TMEM132B: variants seen among roughly 807,000 people sequenced by gnomAD.
TMEM132B encodes the protein transmembrane protein 132B.
A neutral mutation model predicts 90.8 loss-of-function variants in TMEM132B; 18 were observed. That is an observed-to-expected ratio of 0.20 (90% confidence interval 0.14 to 0.29). The LOEUF is 0.29. TMEM132B is among the 10% of genes least tolerant of loss of function. The pLI is 1.00. For missense variants in TMEM132B, 1,096 were observed against 1,326.8 expected (o/e 0.83, Z 2.70); for synonymous variants, 504 against 523.3 (o/e 0.96, Z 0.50).
rs565669674 is a variant in TMEM132B at position 125,361,783 on chromosome 12, T to C, written c.959+11440T>C. ...TACCCCCCAAATCTGCCTTGTTTTC[T>C]CTCCCAATTGCATTGGAGTCTGTGA... On this transcript the variant is annotated intron_variant, in intron 2 of 8. Coordinates refer to ENST00000682704, the MANE Select transcript of TMEM132B (RefSeq NM_001366854.1). 1.7e-4 allele frequency among the ~76,000 whole-genome samples: 26 copies of C among 152,336 alleles called. 1 individual carries two copies. In the East Asian group the frequency reaches 4.8e-3, roughly 28 times the overall value.
chr12:125,543,186 C>A (rs530462465), intron 4 of TMEM132B, among the ~76,000 whole-genome samples: 2 of 152,254 alleles, frequency 1.3e-5, no homozygotes, highest in East Asian at 3.9e-4. Context: ...AATGTGGTGA[C>A]CCCTATCATA....
At chr12:125,467,796 T>G (rs928235612) in intron 3 of TMEM132B, among the ~76,000 whole-genome samples, 4 of 152,236 alleles carry the variant, frequency 2.6e-5, no homozygotes, top group Non-Finnish European at 1.5e-5. Flanking sequence ...ACCTCTAATC[T>G]GCTTTCTGTC....
intron 1 of TMEM132B, among the ~76,000 whole-genome samples, chr12:125,298,630 C>CA (rs1875730844): frequency 7.4e-6 from 1 of 135,076 alleles, no homozygotes; most frequent in Non-Finnish European, 1.6e-5. Context: ...GCCGAGATCG[C>CA]GTCACTGCAC....
intron 3 of TMEM132B, among the ~76,000 whole-genome samples, chr12:125,486,016 G>A (rs955973914): frequency 6.6e-6 from 1 of 152,176 alleles, no homozygotes; most frequent in Non-Finnish European, 1.5e-5. Flanking sequence ...CTCTCTCTCT[G>A]TATGTGTGTG....
At chr12:125,194,191 C>T (rs1454008507) in intron 1 of TMEM132B, among the ~76,000 whole-genome samples, 1 of 151,938 alleles carries the variant, frequency 6.6e-6, no homozygotes, top group Non-Finnish European at 1.5e-5. Flanking sequence ...CAATACAGTC[C>T]AATTTGATTT....
At chr12:125,502,851 A>G (rs189804468) in intron 3 of TMEM132B, among the ~76,000 whole-genome samples, 2 of 152,180 alleles carry the variant, frequency 1.3e-5, no homozygotes, top group Admixed American at 1.3e-4. Flanking sequence ...AAAGAGTATA[A>G]GTTTGTGAAA....
rs145109931 is a variant in TMEM132B, at chr12:125,610,653, G to A, written c.1437+26659G>A. Among the ~76,000 whole-genome samples the A allele has an allele frequency of 5.4e-3, 815 of 151,856 alleles. 9 individuals carry two copies. The highest frequency in any genetic ancestry group is 0.05 in the East Asian group (258 of 5,156). ...TCTCTCTCTCTCTGTATGTGTGTGT[G>A]TATATATGTTTTATTTAACCATTGT... On this transcript the variant is annotated intron_variant, in intron 5 of 8. Coordinates refer to ENST00000682704, the MANE Select transcript of TMEM132B (RefSeq NM_001366854.1).
At chr12:125,418,772 G>C (rs1880093133) in intron 3 of TMEM132B, among the ~76,000 whole-genome samples, 1 of 152,156 alleles carries the variant, frequency 6.6e-6, no homozygotes, top group Non-Finnish European at 1.5e-5. Context: ...TAGAAAGGCA[G>C]TAAAAATCTT....
rs567113748 is a variant in TMEM132B at position 125,364,425 on chromosome 12, A to C, written c.959+14082A>C. Among the ~76,000 whole-genome samples, 8 of 152,316 alleles carry C rather than the reference A, an allele frequency of 5.3e-5. No individual in the cohort carries two copies. The South Asian group carries it at 1.7e-3, about 32-fold the overall frequency. ...GTTCTTACTTTACTACATATCTATC[A>C]ATCTATCTCTTCATCCATCAATCCA... On this transcript the variant is annotated intron_variant, in intron 2 of 8. Coordinates refer to ENST00000682704, the MANE Select transcript of TMEM132B (RefSeq NM_001366854.1).
intron 6 of TMEM132B, among the ~76,000 whole-genome samples, chr12:125,647,275 G>GGT (rs1444084318): frequency 2.0e-5 from 3 of 152,276 alleles, no homozygotes; most frequent in Non-Finnish European, 4.4e-5. Flanking sequence ...GAGGAGAAAA[G>GGT]GTGTCGGGCT....
At chr12:125,642,858 A>C (rs1419065662) in intron 5 of TMEM132B, among the ~76,000 whole-genome samples, 1 of 152,182 alleles carries the variant, frequency 6.6e-6, no homozygotes, top group Non-Finnish European at 1.5e-5. Flanking sequence ...CTTGGTTTCC[A>C]TGTCAAGCTA....
chr12:125,625,423 G>A (rs1685180786), intron 5 of TMEM132B, among the ~76,000 whole-genome samples: 1 of 152,090 alleles, frequency 6.6e-6, no homozygotes, highest in African/African-American at 2.4e-5. Flanking sequence ...GTGAGCCACC[G>A]CGCCCGGTCA....
At chr12:125,295,538 GAGAGAC>G (rs1178194399) in intron 1 of TMEM132B, among the ~76,000 whole-genome samples, 29 of 149,048 alleles carry the variant, frequency 1.9e-4, no homozygotes, top group East Asian at 5.8e-4. Flanking sequence ...GAGAGAGAGA[GAGAGAC>G]AGAGACAGAG....
chr12:125,228,417 G>A (rs1046487813), intron 1 of TMEM132B, among the ~76,000 whole-genome samples: 1 of 152,200 alleles, frequency 6.6e-6, no homozygotes, highest in African/African-American at 2.4e-5. Context: ...TCTGGGGTGG[G>A]AAGGCAGCAG....
intron 5 of TMEM132B, among the ~76,000 whole-genome samples, chr12:125,630,112 T>C (rs973210689): frequency 1.3e-5 from 2 of 152,142 alleles, no homozygotes; most frequent in African/African-American, 4.8e-5. Flanking sequence ...TTTTCTGATG[T>C]CTTTGCCTGG....
intron 4 of TMEM132B, among the ~76,000 whole-genome samples, chr12:125,546,306 C>G (rs1302823940): frequency 6.6e-6 from 1 of 152,138 alleles, no homozygotes; most frequent in Non-Finnish European, 1.5e-5. Context: ...CCTTAGCCTC[C>G]CAAGTAGCTG....
At chr12:125,599,593 C>T (rs1885523879) in intron 5 of TMEM132B, among the ~76,000 whole-genome samples, 1 of 152,074 alleles carries the variant, frequency 6.6e-6, no homozygotes, top group South Asian at 2.1e-4. Context: ...GTCCCATGCT[C>T]ATTCTGTGGC....
chr12:125,234,414 G>C (rs11058095), intron 1 of TMEM132B, among the ~76,000 whole-genome samples: 1 of 152,010 alleles, frequency 6.6e-6, no homozygotes, highest in South Asian at 2.1e-4. Context: ...ATCACCTCCC[G>C]CTGAAACCAA....
chr12:125,600,165 G>C (rs1313192048), intron 5 of TMEM132B, among the ~76,000 whole-genome samples: 1 of 152,028 alleles, frequency 6.6e-6, no homozygotes, highest in Non-Finnish European at 1.5e-5. Context: ...ATTGGAGGGA[G>C]GAAAGAGCCC....
Sources: allele counts gnomAD v4.1 joint callset (sites outside exome capture counted in the v4.1 genomes callset), GRCh38; gene constraint gnomAD v4.1.1; transcripts MANE v1.5; gene names NCBI Gene and HGNC (gene_info 2026-07-23, HGNC 2026-07-21).